PDE4D: variants seen among roughly 807,000 people sequenced by gnomAD.
PDE4D encodes phosphodiesterase 4D.
Under a neutral mutation model 87.4 loss-of-function variants are expected in PDE4D, and 24 were observed. The observed-to-expected ratio is 0.27, with a 90% CI of 0.20 to 0.39. The LOEUF is 0.39. PDE4D is among the 10% of genes least tolerant of loss of function. The pLI is 1.00. For missense variants in PDE4D, 714 were observed against 1,041.0 expected (o/e 0.69, Z 4.32); for synonymous variants, 384 against 383.2 (o/e 1.00, Z -0.02).
chr5:59,356,888 C>T (rs777900742), intron 1 of PDE4D: 25 of 1,512,432 alleles, frequency 1.7e-5, no homozygotes, highest in Non-Finnish European at 1.9e-5. Flanking sequence ...CACGAGAAGT[C>T]AGAGCTGGTG....
chr5:60,110,531 C>A (rs1480134999), intron 2 of PDE4D, among the ~76,000 whole-genome samples: 1 of 151,954 alleles, frequency 6.6e-6, no homozygotes, highest in Admixed American at 6.6e-5. Context: ...AGAGAAAAGG[C>A]AACTTTTATA....
intron 5 of PDE4D, among the ~76,000 whole-genome samples, chr5:59,174,805 AT>A (rs745631711): frequency 2.0e-5 from 3 of 152,140 alleles, no homozygotes; most frequent in Non-Finnish European, 2.9e-5. Context: ...AAGGAACCAC[AT>A]GTTTATTCCT....
intron 5 of PDE4D, among the ~76,000 whole-genome samples, chr5:59,066,306 T>C (rs1763919436): frequency 1.3e-5 from 2 of 152,070 alleles, no homozygotes; most frequent in African/African-American, 4.8e-5. Context: ...AGGGGCTTCC[T>C]ACAGTGGGCA....
At chr5:60,223,549 T>G (rs994376466) in intron 1 of PDE4D, among the ~76,000 whole-genome samples, 4 of 152,108 alleles carry the variant, frequency 2.6e-5, no homozygotes, top group Non-Finnish European at 1.5e-5. Context: ...TCAGAACTTC[T>G]GATGACTGAA....
intron 1 of PDE4D, among the ~76,000 whole-genome samples, chr5:60,384,811 C>T (rs1041331313): frequency 2.6e-5 from 4 of 152,202 alleles, no homozygotes; most frequent in Non-Finnish European, 5.9e-5. Context: ...AACTAGTCCT[C>T]TTCCCCAATG....
At position 59,941,340 on chromosome 5, in the gene PDE4D, C is replaced by T. The variant is rs550994945; in HGVS notation, c.272+47148G>A. ...TGTTATTTTCAACAGTGCTTTACAA[C>T]CTTATATTGTTCAACACACTAATAC... is the stretch of plus-strand genomic sequence containing the variant. On this transcript the variant is annotated intron_variant, in intron 3 of 16. Coordinates refer to the PDE4D transcript ENST00000502484. 8.0e-4 allele frequency among the ~76,000 whole-genome samples: 122 copies of T among 152,334 alleles called. 2 individuals carry two copies. Among genetic ancestry groups the T allele is most frequent in the South Asian group, 6.2e-4 (3 of 4,826 alleles).
At chr5:60,210,497 C>A (rs1366758471) in intron 1 of PDE4D, among the ~76,000 whole-genome samples, 2 of 152,042 alleles carry the variant, frequency 1.3e-5, no homozygotes, top group African/African-American at 4.8e-5. Flanking sequence ...AATAAAGCTG[C>A]ATTCCACCAG....
chr5:60,279,806 T>C (rs35813355), intron 1 of PDE4D, among the ~76,000 whole-genome samples: 33,216 of 151,634 alleles, frequency 0.22, 5,204 homozygotes, highest in African/African-American at 0.44. Context: ...CTCAGCCTCC[T>C]GAGTAGCTGG....
At chr5:60,325,911 A>G (rs920980504) in intron 1 of PDE4D, among the ~76,000 whole-genome samples, 2 of 152,138 alleles carry the variant, frequency 1.3e-5, no homozygotes, top group Non-Finnish European at 2.9e-5. Flanking sequence ...AATTTGAATC[A>G]TATAGTATGC....
At chr5:59,972,505 G>A (rs1760892649) in intron 3 of PDE4D, among the ~76,000 whole-genome samples, 2 of 152,168 alleles carry the variant, frequency 1.3e-5, no homozygotes, top group Non-Finnish European at 2.9e-5. Flanking sequence ...TCACAAAGAA[G>A]GTAAAAACTG....
intron 1 of PDE4D, among the ~76,000 whole-genome samples, chr5:59,534,890 G>C (rs753997945): frequency 2.0e-5 from 3 of 152,188 alleles, no homozygotes; most frequent in Non-Finnish European, 4.4e-5. Context: ...GCCAGAATGT[G>C]AGAAACCTTT....
intron 1 of PDE4D, among the ~76,000 whole-genome samples, chr5:59,884,721 CA>C (rs2152748602): frequency 6.6e-6 from 1 of 152,008 alleles, no homozygotes; most frequent in African/African-American, 2.4e-5. Flanking sequence ...GATCACCCAC[CA>C]ATGTTTTCCT....
At chr5:60,074,618 C>A (rs1426287077) in intron 2 of PDE4D, among the ~76,000 whole-genome samples, 2 of 152,190 alleles carry the variant, frequency 1.3e-5, no homozygotes, top group African/African-American at 2.4e-5. Flanking sequence ...AAGTCTCCCA[C>A]TATTACTGTG....
At chr5:60,066,851 G>GT (rs1474615689) in intron 2 of PDE4D, among the ~76,000 whole-genome samples, 6 of 152,146 alleles carry the variant, frequency 3.9e-5, no homozygotes, top group East Asian at 3.9e-4. Context: ...CTATTCATAT[G>GT]TTTTTTCTAT....
intron 2 of PDE4D, among the ~76,000 whole-genome samples, chr5:60,016,818 A>G (rs752098722): frequency 6.6e-6 from 1 of 152,196 alleles, no homozygotes; most frequent in Non-Finnish European, 1.5e-5. Flanking sequence ...GTTAGCATCA[A>G]CTTCTTCCAA....
intron 1 of PDE4D, among the ~76,000 whole-genome samples, chr5:59,313,077 C>T (rs920984562): frequency 1.3e-5 from 2 of 152,078 alleles, no homozygotes; most frequent in African/African-American, 4.8e-5. Context: ...GCTGAAGGGG[C>T]CCTCCACTCT....
intron 1 of PDE4D, among the ~76,000 whole-genome samples, chr5:59,228,843 C>A (rs907606069): frequency 4.6e-5 from 7 of 152,110 alleles, no homozygotes; most frequent in Non-Finnish European, 1.0e-4. Flanking sequence ...CCCTAGCTGT[C>A]CTTGAAGCAC....
chr5:59,316,947 C>T (rs943176914), intron 1 of PDE4D, among the ~76,000 whole-genome samples: 7 of 152,186 alleles, frequency 4.6e-5, no homozygotes, highest in African/African-American at 1.7e-4. Context: ...TGCTGCCTTC[C>T]TGTCTCAATG....
intron 5 of PDE4D, among the ~76,000 whole-genome samples, chr5:59,160,133 C>T (rs749585766): frequency 6.6e-6 from 1 of 152,134 alleles, no homozygotes; most frequent in Non-Finnish European, 1.5e-5. Context: ...ATATACAGGA[C>T]ATTTTCTCTT....
Sources: allele counts gnomAD v4.1 joint callset (sites outside exome capture counted in the v4.1 genomes callset), GRCh38; gene constraint gnomAD v4.1.1; transcripts MANE v1.5; gene names NCBI Gene and HGNC (gene_info 2026-07-23, HGNC 2026-07-21).